Variants in RFC5 observed in about 807,000 individuals in gnomAD.
RFC5 encodes A1 36 kDa subunit.
In RFC5, 26 loss-of-function variants were observed where a neutral mutation model predicts 44.3. The observed-to-expected ratio is 0.59, with a 90% confidence interval of 0.43 to 0.81. The LOEUF (loss-of-function observed/expected upper bound fraction) is 0.81. RFC5 is among the 40% of genes least tolerant of loss of function. The probability of loss-of-function intolerance (pLI) is 0.00; values close to 1 mark genes in which losing one functional copy is unlikely to be tolerated. For synonymous variants in RFC5, 155 were observed against 155.2 expected (o/e 1.00, Z 0.01); for missense variants, 328 against 418.6 (o/e 0.78, Z 1.89).
At chr12:118,034,514 C>T (rs2137758143), downstream of RFC5, among the ~76,000 whole-genome samples, 2 of 151,484 alleles carry the variant, frequency 1.3e-5, no homozygotes, top group Middle Eastern at 6.8e-3. Flanking sequence ...AATTGTGGTG[C>T]TGAATAATTA....
intron 5 of RFC5, 97 bp downstream of exon 5, chr12:118,022,456 C>G (rs5745825): frequency 2.3e-6 from 2 of 853,008 alleles, no homozygotes; most frequent in African/African-American, 1.7e-5. Context: ...TTTTTTTAGG[C>G]GGGGGGGAGT....
the RFC5 span, chr12:118,038,185 T>C: frequency 9.1e-7 from 1 of 1,093,038 alleles, no homozygotes; most frequent in Admixed American, 3.1e-5. Flanking sequence ...TGCCTTCTAT[T>C]GGGGTGGATT....
chr12:118,017,522 T>C (rs150173962), intron 1 of RFC5, among the ~76,000 whole-genome samples: 1 of 152,202 alleles, frequency 6.6e-6, no homozygotes, highest in Non-Finnish European at 1.5e-5. Flanking sequence ...TAAACAGCTA[T>C]GTTCTCGCAA....
intron 7 of RFC5, 25 bp from the exon 8 acceptor site, chr12:118,026,864 C>A: frequency 6.2e-7 from 1 of 1,608,222 alleles, no homozygotes; most frequent in Non-Finnish European, 8.5e-7. Flanking sequence ...ACTGTGATCT[C>A]CCCTTTCCCC....
intron 4 of RFC5, among the ~76,000 whole-genome samples, chr12:118,022,019 T>C (rs2030533263): frequency 6.6e-6 from 1 of 152,006 alleles, no homozygotes; most frequent in South Asian, 2.1e-4. Flanking sequence ...AGCAGTAGCA[T>C]GGTAGGGTGC....
At chr12:118,032,933 C>A (rs1355309190), downstream of RFC5, 1 of 151,348 alleles carries the variant, frequency 6.6e-6, no homozygotes, top group Non-Finnish European at 1.5e-5. Context: ...TTTTTCTTTT[C>A]TTCAATGAAA....
the RFC5 span, among the ~76,000 whole-genome samples, chr12:118,040,786 GC>G: frequency 6.6e-6 from 1 of 151,790 alleles, no homozygotes; most frequent in East Asian, 1.9e-4. Flanking sequence ...AGTGGCTCAC[GC>G]CTGTAATCCC....
chr12:118,037,949 T>TA (rs111330303), downstream of RFC5: 6,999 of 195,758 alleles, frequency 0.036, 502 homozygotes, highest in African/African-American at 0.15. Context: ...GGATTCAAAT[T>TA]TGATGGTTCA....
the RFC5 span, chr12:118,038,211 G>T: frequency 1.4e-6 from 2 of 1,380,520 alleles, no homozygotes; most frequent in Non-Finnish European, 1.9e-6. Context: ...ACGATTTTGA[G>T]AACACTCACA....
chr12:118,035,642 A>G (rs1264564231), downstream of RFC5: 1 of 252,484 alleles, frequency 4.0e-6, no homozygotes, highest in African/African-American at 2.2e-5. Flanking sequence ...TAATTATAGG[A>G]CTGCCTATTA....
At chr12:118,029,438 A>G (rs1295355750) in intron 9 of RFC5, among the ~76,000 whole-genome samples, 1 of 152,230 alleles carries the variant, frequency 6.6e-6, no homozygotes, top group Non-Finnish European at 1.5e-5. Flanking sequence ...AAAGTAAAAT[A>G]TAAAATAAAA....
intron 5 of RFC5, among the ~76,000 whole-genome samples, chr12:118,023,456 G>T (rs1375997836): frequency 2.4e-4 from 28 of 117,488 alleles, no homozygotes; most frequent in South Asian, 1.5e-3. Context: ...AGGAGGAGGG[G>T]GAGGAGAAGG....
the RFC5 span, chr12:118,038,394 A>G: frequency 1.9e-6 from 3 of 1,613,560 alleles, no homozygotes; most frequent in Non-Finnish European, 2.5e-6. Context: ...TTTACCTGGC[A>G]GGAAAAAGAA....
chr12:118,026,762 C>A, intron 7 of RFC5, 127 bp from the exon 8 acceptor site: 1 of 975,182 alleles, frequency 1.0e-6, no homozygotes, highest in Non-Finnish European at 1.5e-6. Context: ...GTTCCCACTG[C>A]CTTGTGCCCA....
chr12:118,024,642 C>T (rs1021482624), intron 5 of RFC5, among the ~76,000 whole-genome samples: 3 of 151,918 alleles, frequency 2.0e-5, no homozygotes, highest in African/African-American at 4.8e-5. Flanking sequence ...ACCTCCTGAC[C>T]TCAAGTGATC....
chr12:118,034,961 A>G (rs369386906), downstream of RFC5: 110 of 1,606,530 alleles, frequency 6.8e-5, 1 homozygote, highest in Non-Finnish European at 8.5e-5. Context: ...AGCACCACCC[A>G]TCTGTTCAGC....
At chr12:118,037,472 G>A (rs2031538809), downstream of RFC5, among the ~76,000 whole-genome samples, 3 of 152,076 alleles carry the variant, frequency 2.0e-5, no homozygotes, top group African/African-American at 7.2e-5. Context: ...TTCAAGACCA[G>A]CCTGGCTAAT....
At position 118,027,011 on chromosome 12, in the gene RFC5, C is replaced by T; in HGVS notation, c.786C>T (p.Ala262=). The change falls in exon 8 of 11, where the codon GCC becomes GCT. Residue 262 remains alanine, a synonymous_variant. Transcript: ENST00000454402. ...TGTTGAATCAAGATTTCACCACAGCCTACAGAAGTATCCTTTCTCATGACC... is the reference window on the plus strand; with the variant it reads ...TGTTGAATCAAGATTTCACCACAGCTTACAGAAGTATCCTTTCTCATGACC... ...DWMLNQDFTT[A]YRNITELKTL... 1.2e-6 allele frequency: 2 copies of T among 1,612,872 alleles called. No individual in the cohort carries two copies. Among genetic ancestry groups the T allele is most frequent in the South Asian group, 2.2e-5 (2 of 91,064 alleles).
downstream of RFC5, among the ~76,000 whole-genome samples, chr12:118,037,404 C>G (rs374117858): frequency 1.3e-5 from 2 of 151,970 alleles, no homozygotes; most frequent in Non-Finnish European, 2.9e-5. Flanking sequence ...CGGTGGCTCA[C>G]GCCTGCAATC....
Sources: allele counts gnomAD v4.1 joint callset (sites outside exome capture counted in the v4.1 genomes callset), GRCh38; gene constraint gnomAD v4.1.1; transcripts MANE v1.5; gene names NCBI Gene and HGNC (gene_info 2026-07-23, HGNC 2026-07-21).